Variants in CALB2 observed in about 807,000 individuals in gnomAD.
CALB2 encodes the protein calbindin 2.
A neutral mutation model predicts 45.9 loss-of-function variants in CALB2; 34 were observed. That is an observed-to-expected ratio of 0.74 (90% CI 0.56 to 0.99). The LOEUF (loss-of-function observed/expected upper bound fraction) is 0.99, where lower values mean the gene tolerates loss of function less well. Among genes scored for constraint, CALB2 ranks in the 50% least tolerant of loss-of-function variants. The probability of loss-of-function intolerance (pLI) is 0.00; values close to 1 mark genes in which losing one functional copy is unlikely to be tolerated. For missense variants in CALB2, 344 were observed against 339.3 expected, an observed-to-expected ratio of 1.01 and a Z score of -0.11; for synonymous variants, 142 against 129.6, an observed-to-expected ratio of 1.10 and a Z score of -0.65.
At chr16:71,368,182 T>C (rs972903960) in intron 1 of CALB2, among the ~76,000 whole-genome samples, 1 of 152,216 alleles carries the variant, frequency 6.6e-6, no homozygotes, top group African/African-American at 2.4e-5. Flanking sequence ...AGGACCTAGC[T>C]GGCCTTTGCA....
At chr16:71,389,661 G>GGTGTTT in intron 10 of CALB2, 88 bp from the exon 11 acceptor site, 1 of 871,754 alleles carries the variant, frequency 1.1e-6, no homozygotes, top group Non-Finnish European at 2.0e-6. Flanking sequence ...GAAAGGTGTG[G>GGTGTTT]GTGTTTGTGT....
At chr16:71,384,456 C>T in intron 8 of CALB2, 78 bp downstream of exon 8, 1 of 1,168,870 alleles carries the variant, frequency 8.6e-7, no homozygotes, top group East Asian at 2.3e-5. Flanking sequence ...CCCCAACGCA[C>T]CACACACAAC....
chr16:71,376,214 G>T (rs907072545), intron 3 of CALB2, among the ~76,000 whole-genome samples: 1 of 152,168 alleles, frequency 6.6e-6, no homozygotes, highest in Non-Finnish European at 1.5e-5. Context: ...GCAGCCACGG[G>T]TGGTATGTCA....
chr16:71,387,783 G>A (rs955175271), intron 10 of CALB2, among the ~76,000 whole-genome samples: 2 of 152,148 alleles, frequency 1.3e-5, no homozygotes, highest in Non-Finnish European at 2.9e-5. Context: ...TGATTAAGTG[G>A]CAGATATCTC....
chr16:71,363,557 G>T (rs1430800628), intron 1 of CALB2, among the ~76,000 whole-genome samples: 1 of 152,214 alleles, frequency 6.6e-6, no homozygotes, highest in East Asian at 1.9e-4. Context: ...CAGTGCCCAG[G>T]CAGGCTCTTC....
intron 1 of CALB2, among the ~76,000 whole-genome samples, chr16:71,362,198 A>G (rs927741181): frequency 1.3e-5 from 2 of 152,192 alleles, no homozygotes; most frequent in African/African-American, 4.8e-5. Flanking sequence ...TGGCTGAGGG[A>G]TGCCCAGTTC....
chr16:71,365,917 G>A (rs1459461497), intron 1 of CALB2, among the ~76,000 whole-genome samples: 1 of 151,556 alleles, frequency 6.6e-6, no homozygotes, highest in South Asian at 2.1e-4. Context: ...ATGGGGCCAA[G>A]GCAACAATGT....
chr16:71,381,528 A>G (rs1320903539), intron 4 of CALB2, among the ~76,000 whole-genome samples: 1 of 152,136 alleles, frequency 6.6e-6, no homozygotes, highest in Non-Finnish European at 1.5e-5. Context: ...TAAACTCTAA[A>G]TGTCCATAAA....
intron 1 of CALB2, 67 bp from the exon 2 acceptor site, chr16:71,372,086 A>T: frequency 2.5e-5 from 22 of 880,544 alleles, no homozygotes; most frequent in Non-Finnish European, 3.8e-5. Context: ...GAAGCCCCCG[A>T]CATGCCCACC....
At chr16:71,360,780 TGACTC>T (rs2042230325) in intron 1 of CALB2, among the ~76,000 whole-genome samples, 1 of 152,228 alleles carries the variant, frequency 6.6e-6, no homozygotes, top group Non-Finnish European at 1.5e-5. Flanking sequence ...GGGCAGACCA[TGACTC>T]CCCTTATACA....
At chr16:71,377,876 CAA>C in intron 4 of CALB2, 129 bp downstream of exon 4, 1 of 630,994 alleles carries the variant, frequency 1.6e-6, no homozygotes, top group South Asian at 2.0e-5. Flanking sequence ...CTCTGCTACT[CAA>C]AGTGTGGTCC....
intron 3 of CALB2, among the ~76,000 whole-genome samples, chr16:71,376,759 C>A (rs2042421052): frequency 1.3e-5 from 2 of 151,862 alleles, no homozygotes; most frequent in African/African-American, 4.8e-5. Context: ...CCCCATACAA[C>A]CACATATATC....
chr16:71,362,656 T>A (rs945732814), intron 1 of CALB2, among the ~76,000 whole-genome samples: 1 of 152,224 alleles, frequency 6.6e-6, no homozygotes, highest in Non-Finnish European at 1.5e-5. Context: ...ATTATTAAGA[T>A]ATTGTTTAAA....
At chr16:71,372,008 A>C in intron 1 of CALB2, 145 bp from the exon 2 acceptor site, 3 of 645,646 alleles carry the variant, frequency 4.6e-6, no homozygotes, top group Non-Finnish European at 8.2e-6. Context: ...TGAGGGCTGG[A>C]CCCACACCCC....
At chr16:71,373,025 T>G (rs2042370577) in intron 2 of CALB2, among the ~76,000 whole-genome samples, 1 of 152,160 alleles carries the variant, frequency 6.6e-6, no homozygotes, top group South Asian at 2.1e-4. Context: ...GAGTGTTGCT[T>G]TCCCTGGTGC....
rs765602701 is a variant in CALB2, at chr16:71,385,104, G to A, written c.627+268G>A. Among the ~76,000 whole-genome samples, 8 of 152,138 alleles carry A rather than the reference G, an allele frequency of 5.3e-5. 1 individual carries two copies. The highest frequency in any genetic ancestry group is 1.3e-4 in the Admixed American group (2 of 15,274). ...AACTAGGGTGTGACCACGCTGTCGG[G>A]AGCCAAAGGGAAGAGACACTCAGAA... On this transcript the variant is annotated intron_variant, in intron 9 of 10. Coordinates refer to ENST00000302628, the MANE Select transcript of CALB2 (RefSeq NM_001740.5).
chr16:71,371,480 G>A (rs935793587), intron 1 of CALB2, among the ~76,000 whole-genome samples: 3 of 152,204 alleles, frequency 2.0e-5, no homozygotes, highest in Admixed American at 6.5e-5. Flanking sequence ...GGCAGGCTCT[G>A]CTAGAGCTCT....
chr16:71,384,938 C>A, intron 9 of CALB2, 102 bp downstream of exon 9: 3 of 996,228 alleles, frequency 3.0e-6, no homozygotes, highest in Non-Finnish European at 4.7e-6. Context: ...CCAGGGGTGG[C>A]CTGGGCCGTG....
At chr16:71,388,052 A>G (rs1230769413) in intron 10 of CALB2, among the ~76,000 whole-genome samples, 1 of 152,194 alleles carries the variant, frequency 6.6e-6, no homozygotes, top group Middle Eastern at 3.2e-3. Flanking sequence ...ATTCATGATT[A>G]GATTACAGAT....
Sources: allele counts gnomAD v4.1 joint callset (sites outside exome capture counted in the v4.1 genomes callset), GRCh38; gene constraint gnomAD v4.1.1; transcripts MANE v1.5; gene names NCBI Gene and HGNC (gene_info 2026-07-23, HGNC 2026-07-21).